The following NEDD4 variants were observed in gnomAD, a reference collection of about 807,000 sequenced individuals.
The protein encoded by NEDD4 is E3 ubiquitin-protein ligase NEDD4.
Under a neutral mutation model 144.9 loss-of-function variants are expected in NEDD4, and 99 were observed. The ratio of observed to expected loss-of-function variants is 0.68; its 90% CI spans 0.58 to 0.81. NEDD4 has a LOEUF of 0.81. Ranked by LOEUF, NEDD4 falls within the 30% of genes least tolerant of loss-of-function variation. The probability of loss-of-function intolerance (pLI) is 0.00; values close to 1 mark genes in which losing one functional copy is unlikely to be tolerated. For missense variants in NEDD4, 985 were observed against 1,065.9 expected, an observed-to-expected ratio of 0.92 and a Z score of 1.06; for synonymous variants, 318 against 350.6, an observed-to-expected ratio of 0.91 and a Z score of 1.04.
At position 55,860,739 on chromosome 15, in the gene NEDD4, C is replaced by A. The variant is rs887210085; in HGVS notation, c.714G>T (p.Leu238=). 3.1e-6 allele frequency: 5 copies of A among 1,614,124 alleles called. No individual in the cohort carries two copies. The highest frequency in any genetic ancestry group is 4.2e-6 in the Non-Finnish European group (5 of 1,180,002). Residue 238 remains leucine (L), a synonymous_variant, in exon 10 of 29, where the codon CTG becomes CTT. Transcript: ENST00000435532. The part of the protein sequence containing the change: ...LTDAENGNIQ[L]QAQRAFTTRR... ...TGGTGGTAAATGCACGTTGTGCTTG[C>A]AGTTGAATGTTGCCATTCTCAGCAT...
intron 1 of NEDD4, among the ~76,000 whole-genome samples, chr15:55,986,227 T>C (rs1046782162): frequency 1.2e-4 from 18 of 152,332 alleles, no homozygotes; most frequent in African/African-American, 3.1e-4. Flanking sequence ...TTGGTTCAGA[T>C]AGAATTCATC....
chr15:55,992,417 C>T (rs1203328185), intron 1 of NEDD4, among the ~76,000 whole-genome samples: 3 of 152,164 alleles, frequency 2.0e-5, no homozygotes, highest in Admixed American at 2.0e-4. Context: ...TGTTTGACGA[C>T]ACCAAGGTAC....
At chr15:55,905,339 T>C (rs1266682562) in intron 5 of NEDD4, 1 of 452,196 alleles carries the variant, frequency 2.2e-6, no homozygotes, top group Non-Finnish European at 4.4e-6. Context: ...CAAATTGACC[T>C]CAGAGAGAAG....
chr15:55,965,687 T>TATGTATGTATGC (rs1228264253), intron 2 of NEDD4, among the ~76,000 whole-genome samples: 171 of 150,418 alleles, frequency 1.1e-3, no homozygotes, highest in African/African-American at 3.8e-3. Flanking sequence ...TGTATGTATG[T>TATGTATGTATGC]ATGCATGCAT....
chr15:55,968,440 G>GA (rs1253167329), intron 1 of NEDD4, among the ~76,000 whole-genome samples: 92 of 151,662 alleles, frequency 6.1e-4, no homozygotes, highest in African/African-American at 2.2e-3. Flanking sequence ...TGTGCAAAAT[G>GA]AAAAAAACAA....
Position 55,916,490 on chromosome 15 carries a change from A to G in NEDD4, c.291+8156T>C, listed in dbSNP as rs139682945. The G allele has an allele frequency of 3.1e-6, 5 of 1,613,956 alleles. No homozygotes were observed. The African/African-American group carries it at 6.7e-5, about 22-fold the overall frequency. Reference sequence around the variant, plus strand: ...AAATACCATCCTTCAAGATACAAGTAAACGAAGCATCATCACTATCAGCTA... The same window carrying G: ...AAATACCATCCTTCAAGATACAAGTGAACGAAGCATCATCACTATCAGCTA... On this transcript the variant is annotated intron_variant, in intron 5 of 28. Transcript: ENST00000435532.
chr15:55,868,581 C>T (rs2034667256), intron 8 of NEDD4, among the ~76,000 whole-genome samples: 1 of 152,086 alleles, frequency 6.6e-6, no homozygotes. Context: ...TTGCCTGCCA[C>T]CATATAAGCT....
intron 5 of NEDD4, among the ~76,000 whole-genome samples, chr15:55,878,884 G>A (rs2035085144): frequency 6.6e-6 from 1 of 152,214 alleles, no homozygotes; most frequent in South Asian, 2.1e-4. Flanking sequence ...GTGCAATGGC[G>A]CGATCTCGAC....
chr15:55,899,795 C>T (rs142222432), intron 5 of NEDD4, among the ~76,000 whole-genome samples: 1 of 152,324 alleles, frequency 6.6e-6, no homozygotes, highest in East Asian at 1.9e-4. Flanking sequence ...AGCCAGTGAT[C>T]ACATGTAGCT....
At chr15:55,896,959 A>G (rs1276476728) in intron 5 of NEDD4, among the ~76,000 whole-genome samples, 4 of 151,950 alleles carry the variant, frequency 2.6e-5, no homozygotes, top group Non-Finnish European at 5.9e-5. Flanking sequence ...AATTTATAAA[A>G]TATTAAATAT....
intron 4 of NEDD4, among the ~76,000 whole-genome samples, chr15:55,950,950 T>C (rs2078668759): frequency 6.6e-6 from 1 of 152,192 alleles, no homozygotes; most frequent in South Asian, 2.1e-4. Context: ...AACTGCTGAT[T>C]GGAATTTGCT....
chr15:55,856,202 G>GA lies in NEDD4; in HGVS notation c.961-7dup, dbSNP rs2034188454. The GA allele has an allele frequency of 2.5e-6, 4 of 1,608,650 alleles. No homozygotes were observed. The highest frequency in any genetic ancestry group is 3.4e-6 in the Non-Finnish European group (4 of 1,178,084). On this transcript the variant is annotated splice_polypyrimidine_tract_variant and splice_region_variant and intron_variant, in intron 11 of 28. Coordinates refer to ENST00000435532, the MANE Select transcript of NEDD4 (RefSeq NM_006154.4). ...CCTCTTCTGCTGGAATGATTCTTGT[G>GA]AAAAAACAAGACAACAGAAGAATAC...
Position 55,872,442 on chromosome 15 carries a change from A to G in NEDD4, c.377T>C (p.Phe126Ser), listed in dbSNP as rs764492205. The change falls in exon 7 of 29, where the codon TTT becomes TCT. Residue 126 changes from phenylalanine (F) to serine (S), a missense_variant. Physicochemically the swap from Phe to Ser is radical, Grantham distance 155. Transcript: ENST00000435532. The part of the protein sequence containing the change: ...ENPRLERPYT[F>S]KDFVLHPRSH... ...TCTTGGATGAAGAACAAAATCCTTAAATGTATATGGTCTCTCCAATCTTGG... is the reference window on the plus strand; with the variant it reads ...TCTTGGATGAAGAACAAAATCCTTAGATGTATATGGTCTCTCCAATCTTGG... 6.8e-7 allele frequency: 1 copy of G among 1,471,962 alleles called. No individual in the cohort carries two copies. The highest frequency in any genetic ancestry group is 9.1e-7 in the Non-Finnish European group (1 of 1,095,960). The allele number at this position is 1,471,962 out of a possible 1,614,324, so 91.2% of individuals were successfully genotyped here. A position where few individuals can be genotyped will look rare whatever the true frequency, so the allele number is the denominator to read the frequency against.
chr15:55,960,686 C>T (rs542908869), intron 2 of NEDD4, among the ~76,000 whole-genome samples: 2 of 152,190 alleles, frequency 1.3e-5, no homozygotes, highest in African/African-American at 4.8e-5. Flanking sequence ...CCTATTAGTT[C>T]TGTCCCCCTA....
chr15:55,953,345 C>A (rs2037279190), intron 2 of NEDD4, among the ~76,000 whole-genome samples: 1 of 152,188 alleles, frequency 6.6e-6, no homozygotes, highest in South Asian at 2.1e-4. Flanking sequence ...CTATTCCTTT[C>A]TTTATTTCAT....
chr15:55,962,017 A>C (rs2037435658), intron 2 of NEDD4, among the ~76,000 whole-genome samples: 1 of 152,148 alleles, frequency 6.6e-6, no homozygotes, highest in East Asian at 1.9e-4. Context: ...GGGAGTTTTA[A>C]AAAGTTCCCC....
intron 1 of NEDD4, among the ~76,000 whole-genome samples, chr15:55,981,933 C>T (rs1317343100): frequency 6.6e-6 from 1 of 152,168 alleles, no homozygotes; most frequent in Non-Finnish European, 1.5e-5. Context: ...TCAATCAATA[C>T]TATATAATTT....
intron 18 of NEDD4, among the ~76,000 whole-genome samples, chr15:55,845,769 G>C (rs2033712962): frequency 1.3e-5 from 2 of 150,172 alleles, no homozygotes; most frequent in African/African-American, 4.9e-5. Context: ...GGGAAATTTC[G>C]ACACAAAGTT....
At chr15:55,940,263 G>A (rs1301543900) in intron 4 of NEDD4, among the ~76,000 whole-genome samples, 2 of 152,106 alleles carry the variant, frequency 1.3e-5, no homozygotes, top group Non-Finnish European at 2.9e-5. Context: ...AAAAAAGGGG[G>A]TGATAGGAGG....
Sources: allele counts gnomAD v4.1 joint callset (sites outside exome capture counted in the v4.1 genomes callset), GRCh38; gene constraint gnomAD v4.1.1; transcripts MANE v1.5; gene names NCBI Gene and HGNC (gene_info 2026-07-23, HGNC 2026-07-21).